The following WDFY4 variants were observed in gnomAD, a reference collection of about 807,000 sequenced individuals.
The protein encoded by WDFY4 is WDFY family member 4.
WDFY4 carries 169 observed loss-of-function variants against 351.9 expected under a neutral mutation model. The ratio of observed to expected loss-of-function variants is 0.48; its 90% confidence interval spans 0.42 to 0.55. WDFY4 has a LOEUF of 0.55. WDFY4 is among the 20% of genes least tolerant of loss of function. The probability of loss-of-function intolerance (pLI) is 0.00; values close to 1 mark genes in which losing one functional copy is unlikely to be tolerated. For synonymous variants in WDFY4, 1,622 were observed against 1,574.6 expected (o/e 1.03, Z -0.71); for missense variants, 3,803 against 3,935.6 (o/e 0.97, Z 0.90).
chr10:48,686,977 C>A (rs971212147), intron 1 of WDFY4, among the ~76,000 whole-genome samples: 14 of 152,156 alleles, frequency 9.2e-5, no homozygotes, highest in African/African-American at 3.4e-4. Flanking sequence ...ATTTTACCCA[C>A]CCCTCAGCAA....
chr10:48,975,120 G>A (rs1436239479), intron 58 of WDFY4, 79 bp downstream of exon 58: 23 of 1,538,298 alleles, frequency 1.5e-5, no homozygotes, highest in Non-Finnish European at 1.9e-5. Flanking sequence ...AAAGCCCAGA[G>A]ACACAGAGAC....
intron 56 of WDFY4, among the ~76,000 whole-genome samples, chr10:48,969,865 T>C (rs1038925711): frequency 6.6e-6 from 1 of 151,816 alleles, no homozygotes; most frequent in Non-Finnish European, 1.5e-5. Context: ...TCCTCCCTCC[T>C]GACCCCCAAG....
intron 1 of WDFY4, among the ~76,000 whole-genome samples, chr10:48,702,303 C>T (rs2063500698): frequency 6.6e-6 from 1 of 152,124 alleles, no homozygotes; most frequent in Admixed American, 6.5e-5. Flanking sequence ...CAGCTGACTC[C>T]AAAGCCCACA....
At chr10:48,765,120 T>C (rs2065628092) in intron 13 of WDFY4, among the ~76,000 whole-genome samples, 1 of 152,202 alleles carries the variant, frequency 6.6e-6, no homozygotes, top group Non-Finnish European at 1.5e-5. Flanking sequence ...AACATATGGA[T>C]GAGTGGGGCT....
intron 1 of WDFY4, among the ~76,000 whole-genome samples, chr10:48,703,621 G>A (rs775824130): frequency 3.3e-5 from 5 of 152,128 alleles, no homozygotes; most frequent in Non-Finnish European, 7.3e-5. Context: ...CTTTTCCTGG[G>A]AACAGCTTCT....
intron 1 of WDFY4, among the ~76,000 whole-genome samples, chr10:48,686,942 C>A (rs1266336144): frequency 6.6e-6 from 1 of 152,154 alleles, no homozygotes; most frequent in Non-Finnish European, 1.5e-5. Flanking sequence ...GATGTCACCA[C>A]GTTGTTTTCC....
In WDFY4 at chr10:48,865,986, A is replaced by C. The variant is rs535414958; in HGVS notation, c.6664-1279A>C. On this transcript the variant is annotated intron_variant, in intron 39 of 61. Coordinates refer to ENST00000325239, the MANE Select transcript of WDFY4 (RefSeq NM_001394531.1). Reference sequence around the variant, plus strand: ...AAGCCTTTCCTCTTTTTTCTTGGTCAACCTAGCTAAAGACTGCCAATTTTA... The same window carrying C: ...AAGCCTTTCCTCTTTTTTCTTGGTCCACCTAGCTAAAGACTGCCAATTTTA... 1.4e-4 allele frequency among the ~76,000 whole-genome samples: 21 copies of C among 152,194 alleles called. No homozygotes were observed. In the South Asian group the frequency reaches 4.3e-3, roughly 32 times the overall value.
chr10:48,972,677 TG>T (rs1842388469), intron 57 of WDFY4, among the ~76,000 whole-genome samples: 1 of 152,254 alleles, frequency 6.6e-6, no homozygotes, highest in South Asian at 2.1e-4. Context: ...TCTAGGTTGC[TG>T]TTTGCTTCTG....
intron 1 of WDFY4, among the ~76,000 whole-genome samples, chr10:48,703,629 T>C (rs2063541435): frequency 6.6e-6 from 1 of 152,162 alleles, no homozygotes; most frequent in African/African-American, 2.4e-5. Flanking sequence ...GGGAACAGCT[T>C]CTTGGCATCT....
intron 39 of WDFY4, among the ~76,000 whole-genome samples, chr10:48,849,897 C>T (rs2068900526): frequency 6.6e-6 from 1 of 152,204 alleles, no homozygotes; most frequent in Admixed American, 6.5e-5. Context: ...TGGTTTGTGA[C>T]AATTTCTCAG....
chr10:48,863,481 G>A (rs891293107), intron 39 of WDFY4, among the ~76,000 whole-genome samples: 6 of 152,076 alleles, frequency 3.9e-5, no homozygotes, highest in African/African-American at 1.4e-4. Flanking sequence ...CTGCTTATTA[G>A]CCATTTGAAT....
intron 39 of WDFY4, among the ~76,000 whole-genome samples, chr10:48,836,404 A>G (rs867715107): frequency 6.6e-6 from 1 of 152,182 alleles, no homozygotes; most frequent in Non-Finnish European, 1.5e-5. Flanking sequence ...AGTGCATGAA[A>G]TTGGGGTTTC....
intron 24 of WDFY4, among the ~76,000 whole-genome samples, chr10:48,796,905 A>T (rs547815287): frequency 6.6e-6 from 1 of 152,214 alleles, no homozygotes; most frequent in African/African-American, 2.4e-5. Flanking sequence ...AGCATCGCAC[A>T]CAACTGCTGT....
intron 43 of WDFY4, among the ~76,000 whole-genome samples, chr10:48,889,263 T>C (rs562958596): frequency 3.3e-5 from 5 of 152,334 alleles, no homozygotes; most frequent in East Asian, 1.9e-4. Flanking sequence ...CCCTGGATCA[T>C]AGTGGTTAAT....
At chr10:48,980,459 A>G (rs766940222) in intron 60 of WDFY4, among the ~76,000 whole-genome samples, 1 of 152,248 alleles carries the variant, frequency 6.6e-6, no homozygotes, top group Non-Finnish European at 1.5e-5. Flanking sequence ...ATTTGTGGGC[A>G]GATGTAATCC....
chr10:48,946,352 G>T (rs2133780172), intron 50 of WDFY4, among the ~76,000 whole-genome samples, 195 bp downstream of exon 50: 1 of 152,344 alleles, frequency 6.6e-6, no homozygotes, highest in African/African-American at 2.4e-5. Context: ...TAGAAATTTG[G>T]ATTTAAATAA....
chr10:48,926,980 T>C (rs576629099), intron 47 of WDFY4, among the ~76,000 whole-genome samples: 2 of 152,334 alleles, frequency 1.3e-5, no homozygotes, highest in Admixed American at 1.3e-4. Context: ...GATTTTCATG[T>C]AGCATTGCCC....
chr10:48,894,210 T>C (rs1377758806), intron 44 of WDFY4, among the ~76,000 whole-genome samples: 1 of 152,206 alleles, frequency 6.6e-6, no homozygotes, highest in Non-Finnish European at 1.5e-5. Context: ...AATGACTATC[T>C]TTTCTCCTAA....
In WDFY4 at chr10:48,862,434, A is replaced by T. The variant is rs769482445; in HGVS notation, c.6664-4831A>T. Among the ~76,000 whole-genome samples, 107 of 152,248 alleles carry T rather than the reference A, an allele frequency of 7.0e-4. 1 individual carries two copies. Among genetic ancestry groups the T allele is most frequent in the Middle Eastern group, 6.8e-3 (2 of 294 alleles). On this transcript the variant is annotated intron_variant, in intron 39 of 61. Coordinates refer to ENST00000325239, the MANE Select transcript of WDFY4 (RefSeq NM_001394531.1). ...AGTTGTGGCATTAGACTCTCATAGG[A>T]GCACAAAGCCTATTGTGAACTGCAC...
Sources: gnomAD v4.1 joint callset for allele counts (sites outside exome capture counted in the v4.1 genomes callset) on GRCh38, gnomAD v4.1.1 for gene constraint, MANE v1.5 for transcripts, NCBI Gene and HGNC (gene_info 2026-07-23, HGNC 2026-07-21) for gene names.